Variants in FSTL4 observed in about 807,000 individuals in gnomAD.
FSTL4 encodes the protein follistatin like 4, also known as follistatin-related protein 4.
In FSTL4, 28 loss-of-function variants were observed where a neutral mutation model predicts 78.2. The observed-to-expected ratio is 0.36, with a 90% CI of 0.27 to 0.49. FSTL4 has a LOEUF of 0.49. Ranked by LOEUF, FSTL4 falls within the 20% of genes least tolerant of loss-of-function variation. The pLI, the probability that FSTL4 is intolerant of heterozygous loss-of-function variation, is 0.98. For missense variants in FSTL4, 922 were observed against 1,084.9 expected, an observed-to-expected ratio of 0.85 and a Z score of 2.11; for synonymous variants, 422 against 440.5, an observed-to-expected ratio of 0.96 and a Z score of 0.53.
chr5:133,257,321 C>G (rs774279636), intron 6 of FSTL4, among the ~76,000 whole-genome samples: 1 of 152,146 alleles, frequency 6.6e-6, no homozygotes, highest in African/African-American at 2.4e-5. Context: ...TCCTGTAAAG[C>G]CTGGTTGCCC....
chr5:133,442,416 T>G lies in FSTL4; in HGVS notation c.161-41430A>C, dbSNP rs146785792. On this transcript the variant is annotated intron_variant, in intron 3 of 15. Coordinates refer to ENST00000265342, the MANE Select transcript of FSTL4 (RefSeq NM_015082.2). ...GATGCTAAATAGAGCTATGCTTGCA[T>G]GGAGTCAGATCCATTTTTATTGAGC... Among the ~76,000 whole-genome samples, 362 of 152,316 alleles carry G rather than the reference T, an allele frequency of 2.4e-3. 1 individual carries two copies. The highest frequency in any genetic ancestry group is 8.2e-3 in the African/African-American group (340 of 41,566).
intron 3 of FSTL4, among the ~76,000 whole-genome samples, chr5:133,502,384 G>A (rs181539467): frequency 2.6e-5 from 4 of 152,322 alleles, no homozygotes; most frequent in Non-Finnish European, 5.9e-5. Context: ...GGGAAGGGAA[G>A]AATGCAGGTG....
the FSTL4 span, among the ~76,000 whole-genome samples, chr5:133,645,948 T>A: frequency 1.3e-5 from 2 of 152,138 alleles, no homozygotes; most frequent in Non-Finnish European, 1.5e-5. Flanking sequence ...AGAATAAATG[T>A]CTGCTGCTTC....
At chr5:133,736,119 T>G in the FSTL4 span, among the ~76,000 whole-genome samples, 1 of 152,108 alleles carries the variant, frequency 6.6e-6, no homozygotes, top group East Asian at 1.9e-4. Context: ...TTGCAGACCA[T>G]GCCGAGGAGG....
At chr5:133,799,031 G>A in the FSTL4 span, among the ~76,000 whole-genome samples, 8,249 of 120,462 alleles carry the variant, frequency 0.068, 1,559 homozygotes, top group African/African-American at 0.25. Flanking sequence ...TTAGAGGGGA[G>A]GAGAGAGGGA....
At chr5:133,628,150 A>T in the FSTL4 span, among the ~76,000 whole-genome samples, 13 of 152,338 alleles carry the variant, frequency 8.5e-5, no homozygotes, top group South Asian at 2.5e-3. Context: ...AAATGCCCAC[A>T]GGAGAAAACA....
At chr5:133,240,693 A>G (rs1751841484) in intron 7 of FSTL4, among the ~76,000 whole-genome samples, 1 of 151,846 alleles carries the variant, frequency 6.6e-6, no homozygotes, top group South Asian at 2.1e-4. Context: ...TTCGCGCATG[A>G]CTCATCTCTT....
chr5:133,757,603 A>G, the FSTL4 span, among the ~76,000 whole-genome samples: 1 of 152,000 alleles, frequency 6.6e-6, no homozygotes, highest in East Asian at 1.9e-4. Context: ...CAGCAGCCCC[A>G]CCCTCATGGA....
intron 3 of FSTL4, among the ~76,000 whole-genome samples, chr5:133,436,601 A>T (rs975104551): frequency 6.6e-6 from 1 of 152,164 alleles, no homozygotes; most frequent in Non-Finnish European, 1.5e-5. Flanking sequence ...ACTATTTATA[A>T]GGGCAGATGA....
chr5:133,257,563 C>T (rs1354104817), intron 6 of FSTL4, among the ~76,000 whole-genome samples: 1 of 152,006 alleles, frequency 6.6e-6, no homozygotes, highest in Non-Finnish European at 1.5e-5. Flanking sequence ...TGCAGACGAA[C>T]AGGAAGTTAG....
At chr5:133,570,398 C>G (rs1265432130) in intron 2 of FSTL4, among the ~76,000 whole-genome samples, 2 of 152,216 alleles carry the variant, frequency 1.3e-5, no homozygotes, top group East Asian at 3.9e-4. Flanking sequence ...TCTCGACTCA[C>G]TGCAACCTCT....
chr5:133,504,298 T>A (rs1758566910), intron 3 of FSTL4, among the ~76,000 whole-genome samples: 1 of 152,104 alleles, frequency 6.6e-6, no homozygotes, highest in South Asian at 2.1e-4. Context: ...AGCTCCTTTT[T>A]CACTTTCCAT....
intron 8 of FSTL4, among the ~76,000 whole-genome samples, chr5:133,229,534 A>G (rs1234069851): frequency 1.3e-5 from 2 of 152,054 alleles, no homozygotes; most frequent in Admixed American, 6.5e-5. Context: ...AAAAAAAAAA[A>G]TCAGTTGGTC....
chr5:133,802,381 G>T, the FSTL4 span, among the ~76,000 whole-genome samples: 1 of 152,174 alleles, frequency 6.6e-6, no homozygotes, highest in Non-Finnish European at 1.5e-5. Context: ...CTGAAAGGTC[G>T]TTATCTTCAG....
intron 3 of FSTL4, among the ~76,000 whole-genome samples, chr5:133,513,809 G>A (rs1223455125): frequency 6.6e-6 from 1 of 152,138 alleles, no homozygotes; most frequent in Non-Finnish European, 1.5e-5. Context: ...TTATCCTGAA[G>A]GGTCCTCTCT....
At chr5:133,343,124 G>T (rs532934180) in intron 4 of FSTL4, among the ~76,000 whole-genome samples, 1 of 152,164 alleles carries the variant, frequency 6.6e-6, no homozygotes, top group East Asian at 1.9e-4. Flanking sequence ...CATCACAAGG[G>T]CTCAGGCCAC....
the FSTL4 span, among the ~76,000 whole-genome samples, chr5:133,656,647 A>G: frequency 6.6e-6 from 1 of 152,170 alleles, no homozygotes; most frequent in African/African-American, 2.4e-5. Flanking sequence ...GGCTCTGGCT[A>G]CTGGATTGAT....
rs898896419 is a variant in FSTL4 at position 133,234,552 on chromosome 5, C to T, written c.895-1015G>A. On this transcript the variant is annotated intron_variant, in intron 7 of 15. Coordinates refer to ENST00000265342, the MANE Select transcript of FSTL4 (RefSeq NM_015082.2). ...AGACATGCCAGGAATTGGAATTACC[C>T]GTTTTCTACAGAGAGCCCTCATCAG... 7.2e-5 allele frequency among the ~76,000 whole-genome samples: 11 copies of T among 152,236 alleles called. No homozygotes were observed. The South Asian group carries it at 1.2e-3, about 17-fold the overall frequency.
intron 3 of FSTL4, among the ~76,000 whole-genome samples, chr5:133,428,656 A>G (rs983540273): frequency 3.9e-5 from 6 of 152,224 alleles, no homozygotes; most frequent in African/African-American, 1.2e-4. Context: ...GCCCAGGTGC[A>G]GAGGTGCTGC....
Sources: gnomAD v4.1 joint callset for allele counts (sites outside exome capture counted in the v4.1 genomes callset) on GRCh38, gnomAD v4.1.1 for gene constraint, MANE v1.5 for transcripts, NCBI Gene and HGNC (gene_info 2026-07-23, HGNC 2026-07-21) for gene names.